Variants in NOL6 observed in about 807,000 individuals in gnomAD.
NOL6 encodes nucleolar RNA-associated protein.
Under a neutral mutation model 131.7 loss-of-function variants are expected in NOL6, and 33 were observed. The ratio of observed to expected loss-of-function variants is 0.25; its 90% CI spans 0.19 to 0.33. The LOEUF (loss-of-function observed/expected upper bound fraction) is 0.33, where lower values mean the gene tolerates loss of function less well. Ranked by LOEUF, NOL6 falls within the 10% of genes least tolerant of loss-of-function variation. The pLI is 1.00. For synonymous variants in NOL6, 580 were observed against 605.7 expected, an observed-to-expected ratio of 0.96 and a Z score of 0.62; for missense variants, 1,297 against 1,494.5, an observed-to-expected ratio of 0.87 and a Z score of 2.18.
intron 3 of NOL6, 192 bp from the exon 4 acceptor site, chr9:33,470,383 T>G (rs1827375920): frequency 2.3e-6 from 1 of 443,994 alleles, no homozygotes; most frequent in Non-Finnish European, 3.8e-6. Flanking sequence ...CACCTTAACT[T>G]AGCTCTGTTA....
In NOL6 at chr9:33,465,897, C is replaced by T. The variant is rs202071111; in HGVS notation, c.2365G>A (p.Asp789Asn). 1 of 1,613,206 alleles carries T rather than the reference C, an allele frequency of 6.2e-7. No individual in the cohort carries two copies. The highest frequency in any genetic ancestry group is 8.5e-7 in the Non-Finnish European group (1 of 1,179,422). Reference protein sequence around the residue: ...ATATHTDVLKDGFVFRIRVAY... With the variant: ...ATATHTDVLKNGFVFRIRVAY... ...ACGCGAATCCGAAACACAAATCCAT[C>T]CTGTTGGAAGAAGGTATGGAAAGAG... Residue 789 changes from aspartate to asparagine, a missense_variant and splice_region_variant, in exon 19 of 26, where the codon GAT becomes AAT. Coordinates refer to ENST00000297990, the MANE Select transcript of NOL6 (RefSeq NM_022917.5).
In NOL6 at chr9:33,465,868, G is replaced by T. The variant is rs1191878393; in HGVS notation, c.2394C>A (p.Ala798=). 1 of 1,613,988 alleles carries T rather than the reference G, an allele frequency of 6.2e-7. No individual in the cohort carries two copies. The change falls in exon 19 of 26, where the codon GCC becomes GCA. Residue 798 remains alanine (A), a synonymous_variant. Transcript: ENST00000297990. ...KDGFVFRIRV[A]YQREPQILKE... The stretch of plus-strand genomic sequence containing the variant: ...TCAGGATCTGGGGCTCCCGCTGATA[G>T]GCCACGCGAATCCGAAACACAAATC...
chr9:33,464,751 TTCA>T, intron 21 of NOL6, 125 bp downstream of exon 21: 1 of 670,542 alleles, frequency 1.5e-6, no homozygotes, highest in Non-Finnish European at 2.7e-6. Context: ...GGACCTCTTC[TTCA>T]TGTCAGGCTT....
chr9:33,463,805 G>A (rs1827165631), intron 23 of NOL6, 26 bp downstream of exon 23: 1 of 1,609,456 alleles, frequency 6.2e-7, no homozygotes, highest in African/African-American at 1.3e-5. Flanking sequence ...CAGAGGCCCT[G>A]GAGTCACTGC....
chr9:33,473,737 A>C (rs1827477060), intron 1 of NOL6, 52 bp downstream of exon 1: 1 of 1,599,788 alleles, frequency 6.3e-7, no homozygotes, highest in Non-Finnish European at 8.5e-7. Flanking sequence ...CGGGCCCTGC[A>C]GCCAAGGGAG....
Position 33,466,612 on chromosome 9 carries a change from A to G in NOL6, c.2048T>C (p.Val683Ala). The G allele has an allele frequency of 6.2e-7, 1 of 1,614,098 alleles. No individual in the cohort carries two copies. Among genetic ancestry groups the G allele is most frequent in the Non-Finnish European group, 8.5e-7 (1 of 1,180,010 alleles). Residue 683 changes from valine (V) to alanine (A), a missense_variant, in exon 16 of 26, where the codon GTG becomes GCG. By Grantham distance (64) the Val-to-Ala change is moderately conservative (BLOSUM62 0). Coordinates refer to ENST00000297990, the MANE Select transcript of NOL6 (RefSeq NM_022917.5). ...TGGGTGAGCTCCCTGAACAGCAGAC[A>G]CGGTCAGTGGGAGACCCTCTAGCCC... is the stretch of plus-strand genomic sequence containing the variant. ...LWGLEGLPLT[V>A]SAVQGAHPVL...
Position 33,473,670 on chromosome 9 carries a change from C to T in NOL6, c.54+119G>A, listed in dbSNP as rs749321441. On this transcript the variant is annotated intron_variant, in intron 1 of 25. Coordinates refer to ENST00000297990, the MANE Select transcript of NOL6 (RefSeq NM_022917.5). Reference sequence around the variant, plus strand: ...CTCAGTGCCACTGGCTGGAAACATCCTCCAGAATGGGCCGCCGGCATGGCT... The same window carrying T: ...CTCAGTGCCACTGGCTGGAAACATCTTCCAGAATGGGCCGCCGGCATGGCT... 6.7e-5 allele frequency: 79 copies of T among 1,181,748 alleles called. 1 individual carries two copies. The highest frequency in any genetic ancestry group is 4.3e-4 in the Admixed American group (22 of 50,750). 73.2% of individuals were successfully genotyped at this position (1,181,748 alleles called of 1,614,324 possible).
Position 33,463,289 on chromosome 9 carries a change from C to A in NOL6, c.3147G>T (p.Val1049=). The A allele has an allele frequency of 6.2e-7, 1 of 1,614,080 alleles. No individual in the cohort carries two copies. The highest frequency in any genetic ancestry group is 2.2e-5 in the East Asian group (1 of 44,894). ...AGAGCTGAGGAGGATCATAGCCCAG[C>A]ACGGGCATCAGGGATGAGGGCCCCG... ...SQPGPSSLMP[V]LGYDPPQLYL... Residue 1049 remains valine, a synonymous_variant, in exon 24 of 26, where the codon GTG becomes GTT. Transcript: ENST00000297990.
chr9:33,464,194 C>T (rs1409716982), intron 21 of NOL6, 33 bp from the exon 22 acceptor site: 1 of 1,577,534 alleles, frequency 6.3e-7, no homozygotes, highest in East Asian at 2.2e-5. Flanking sequence ...GGTCAGCCTG[C>T]TCCTCCCTGT....
rs1327790533 is a variant in NOL6 at position 33,464,056 on chromosome 9, T to C, written c.2885A>G (p.Gln962Arg). The stretch of plus-strand genomic sequence containing the variant: ...TTGAACCTGGGCTGAGGGTCCATCC[T>C]GTGTCCACACAGAGTTTTTGCGGTC... ...PQDRKNSVWT[Q>R]DGPSAQILQQ... Residue 962 changes from glutamine (Q) to arginine (R), a missense_variant, in exon 22 of 26, where the codon CAG becomes CGG. Physicochemically the swap from Gln to Arg is conservative, Grantham distance 43. Coordinates refer to ENST00000297990, the MANE Select transcript of NOL6 (RefSeq NM_022917.5). 1 of 1,613,576 alleles carries C rather than the reference T, an allele frequency of 6.2e-7. No individual in the cohort carries two copies. The highest frequency in any genetic ancestry group is 1.3e-5 in the African/African-American group (1 of 75,010).
Position 33,473,918 on chromosome 9 carries a change from A to T in NOL6, c.-76T>A, listed in dbSNP as rs1011942345. On this transcript the variant is annotated 5_prime_UTR_variant, in exon 1 of 26. Transcript: ENST00000297990. ...CCTCATAGCTTCCCACGTGGGCGGA[A>T]ATGCCTAACTCCAGGCCCAAGTCCA... is the stretch of plus-strand genomic sequence containing the variant. The T allele has an allele frequency of 1.9e-5, 30 of 1,547,866 alleles. No homozygotes were observed. The African/African-American group carries it at 4.1e-4, about 21-fold the overall frequency.
rs1359731803 is a variant in NOL6, at chr9:33,463,119, G to C, written c.3205C>G (p.Leu1069Val). The C allele has an allele frequency of 1.2e-6, 2 of 1,613,558 alleles. No homozygotes were observed. Among genetic ancestry groups the C allele is most frequent in the Admixed American group, 3.3e-5 (2 of 59,938 alleles). Residue 1069 changes from leucine to valine, a missense_variant, in exon 25 of 26, where the codon CTG (leucine) becomes GTG (valine). Coordinates refer to ENST00000297990, the MANE Select transcript of NOL6 (RefSeq NM_022917.5). Reference sequence around the variant, plus strand: ...TGCTGGTCATAGAAGAAAAGGGCCAGATCCCCAAAGGCCTCCTAGAAAGGG... The same window carrying C: ...TGCTGGTCATAGAAGAAAAGGGCCACATCCCCAAAGGCCTCCTAGAAAGGG... ...LTQLREAFGDLALFFYDQHGG... is the reference protein window; with the variant it reads ...LTQLREAFGDVALFFYDQHGG...
intron 22 of NOL6, 54 bp downstream of exon 22, chr9:33,463,983 T>A: frequency 1.2e-6 from 2 of 1,612,906 alleles, no homozygotes; most frequent in Non-Finnish European, 1.7e-6. Context: ...AGGCTGGGCC[T>A]GCTTTTTCCT....
At position 33,462,696 on chromosome 9, in the gene NOL6, C is replaced by T. The variant is rs1464483706; in HGVS notation, c.3409G>A (p.Val1137Met). The change falls in exon 26 of 26, where the codon GTG becomes ATG. Residue 1137 changes from valine to methionine, a missense_variant. Val to Met is a conservative substitution (Grantham distance 21, BLOSUM62 1). Coordinates refer to ENST00000297990, the MANE Select transcript of NOL6 (RefSeq NM_022917.5). ...GTCCACCTCTCACTTCGGGCCTCCA[C>T]AGTCTGCACCAGGCCTTCACCCAGC... ...AVLGEGLVQT[V>M]EARSERWTV 4 of 1,614,056 alleles carry T rather than the reference C, an allele frequency of 2.5e-6. No homozygotes were observed. In the African/African-American group the frequency reaches 5.3e-5, roughly 22 times the overall value.
Position 33,472,323 on chromosome 9 carries a change from G to A in NOL6, c.144C>T (p.Gly48=). ...TGCTGAGCTTCACTGGCTGCAGGAG[G>A]CCCTTCGCTGGAGGTTCAGCCAATG... The part of the protein sequence containing the change: ...KRTLAEPPAK[G]LLQPVKLSRA... The change falls in exon 2 of 26, where the codon GGC becomes GGT. Residue 48 remains glycine (G), a synonymous_variant. Coordinates refer to ENST00000297990, the MANE Select transcript of NOL6 (RefSeq NM_022917.5). 5.6e-6 allele frequency: 9 copies of A among 1,614,184 alleles called. No homozygotes were observed. The highest frequency in any genetic ancestry group is 7.6e-6 in the Non-Finnish European group (9 of 1,180,016).
Position 33,466,146 on chromosome 9 carries a change from C to T in NOL6, c.2289G>A (p.Leu763=), listed in dbSNP as rs1171740741. 1.9e-6 allele frequency: 3 copies of T among 1,613,132 alleles called. No individual in the cohort carries two copies. The highest frequency in any genetic ancestry group is 1.3e-5 in the African/African-American group (1 of 74,916). Residue 763 remains leucine (L), a synonymous_variant, in exon 18 of 26, where the codon CTG becomes CTA. Coordinates refer to ENST00000297990, the MANE Select transcript of NOL6 (RefSeq NM_022917.5). The part of the protein sequence containing the change: ...AVQRVRAAFQ[L]RLAELLTQQH... ...GTTGTGTCAACAGCTCTGCCAGGCG[C>T]AGCTGGAAGGCAGCTCGGACCCGCT...
rs1484227544 is a variant in NOL6 at position 33,473,881 on chromosome 9, G to A, written c.-39C>T. On this transcript the variant is annotated 5_prime_UTR_variant, in exon 1 of 26. Coordinates refer to ENST00000297990, the MANE Select transcript of NOL6 (RefSeq NM_022917.5). The stretch of plus-strand genomic sequence containing the variant: ...GCACTCTCCCGCACTTCAGATTCTA[G>A]CCGGGTCTATACCTCATAGCTTCCC... 3 of 1,608,240 alleles carry A rather than the reference G, an allele frequency of 1.9e-6. No individual in the cohort carries two copies. Among genetic ancestry groups the A allele is most frequent in the South Asian group, 2.2e-5 (2 of 91,012 alleles).
intron 3 of NOL6, 90 bp downstream of exon 3, chr9:33,471,914 C>G: frequency 2.1e-6 from 2 of 964,890 alleles, no homozygotes; most frequent in Non-Finnish European, 3.4e-6. Context: ...CACCCCAACC[C>G]TTAAACAGAG....
chr9:33,463,222 G>C (rs376796687), intron 24 of NOL6, 25 bp downstream of exon 24: 29 of 1,612,634 alleles, frequency 1.8e-5, no homozygotes, highest in Non-Finnish European at 2.5e-5. Context: ...CCCCTCCCCA[G>C]GTCATTCAGC....
Sources: gnomAD v4.1 joint callset for allele counts on GRCh38, gnomAD v4.1.1 for gene constraint, MANE v1.5 for transcripts, NCBI Gene and HGNC (gene_info 2026-07-23, HGNC 2026-07-21) for gene names.